B3GALT1: variants seen among roughly 807,000 people sequenced by gnomAD.
B3GALT1 encodes the protein beta-1,3-galactosyltransferase 1.
A neutral mutation model predicts 23.2 loss-of-function variants in B3GALT1; 10 were observed. The observed-to-expected ratio is 0.43, with a 90% CI of 0.27 to 0.73. B3GALT1 has a LOEUF of 0.73. Ranked by LOEUF, B3GALT1 falls within the 30% of genes least tolerant of loss-of-function variation. The pLI is 0.21. For synonymous variants in B3GALT1, 156 were observed against 141.5 expected, an observed-to-expected ratio of 1.10 and a Z score of -0.73; for missense variants, 299 against 405.4, an observed-to-expected ratio of 0.74 and a Z score of 2.25.
At chr2:167,693,927 C>T (rs1686753448) in intron 3 of B3GALT1, among the ~76,000 whole-genome samples, 1 of 152,120 alleles carries the variant, frequency 6.6e-6, no homozygotes, top group Admixed American at 6.6e-5. Flanking sequence ...CTGGTCTGAG[C>T]TGGGCAGTTC....
chr2:167,554,996 A>G (rs1683817599), intron 2 of B3GALT1, among the ~76,000 whole-genome samples: 1 of 152,180 alleles, frequency 6.6e-6, no homozygotes, highest in South Asian at 2.1e-4. Context: ...GGGTCTTCAA[A>G]CATAAAATAG....
intron 2 of B3GALT1, among the ~76,000 whole-genome samples, chr2:167,611,344 T>C (rs1685062984): frequency 6.6e-6 from 1 of 152,008 alleles, no homozygotes; most frequent in Admixed American, 6.6e-5. Flanking sequence ...CAATATAATA[T>C]TTTATACTTG....
chr2:167,826,392 A>C (rs570011079), intron 4 of B3GALT1, among the ~76,000 whole-genome samples: 1 of 152,310 alleles, frequency 6.6e-6, no homozygotes, highest in South Asian at 2.1e-4. Flanking sequence ...CTCCCCAAGC[A>C]ACTGAACCAG....
At chr2:167,754,276 A>G (rs376620625) in intron 3 of B3GALT1, among the ~76,000 whole-genome samples, 2 of 152,208 alleles carry the variant, frequency 1.3e-5, no homozygotes, top group African/African-American at 4.8e-5. Flanking sequence ...ATAAAATTGA[A>G]AAGTGAAAGT....
intron 1 of B3GALT1, among the ~76,000 whole-genome samples, chr2:167,452,269 C>G (rs1036401669): frequency 6.6e-6 from 1 of 152,198 alleles, no homozygotes; most frequent in East Asian, 1.9e-4. Context: ...GTTTCCTTCT[C>G]TCTGTGGTCT....
intron 1 of B3GALT1, among the ~76,000 whole-genome samples, chr2:167,447,872 C>G (rs1048506598): frequency 6.6e-6 from 1 of 152,128 alleles, no homozygotes; most frequent in Non-Finnish European, 1.5e-5. Flanking sequence ...CACTGTCTGA[C>G]AAGCCCCAGT....
At chr2:167,678,974 A>T (rs1025717564) in intron 3 of B3GALT1, among the ~76,000 whole-genome samples, 2 of 152,202 alleles carry the variant, frequency 1.3e-5, no homozygotes, top group African/African-American at 2.4e-5. Context: ...ATTTTTCCAA[A>T]GACTTGGAGT....
At chr2:167,843,293 T>TAAGA (rs1403768513) in intron 4 of B3GALT1, among the ~76,000 whole-genome samples, 2 of 152,172 alleles carry the variant, frequency 1.3e-5, no homozygotes, top group Non-Finnish European at 2.9e-5. Flanking sequence ...TTCAGGAAAG[T>TAAGA]AAGATGAAAG....
intron 1 of B3GALT1, among the ~76,000 whole-genome samples, chr2:167,307,407 A>G (rs1028268195): frequency 1.6e-4 from 25 of 152,086 alleles, no homozygotes; most frequent in African/African-American, 6.0e-4. Context: ...TACAACAAGA[A>G]TATGAGTGTC....
rs561571619 is a variant in B3GALT1 at position 167,445,025 on chromosome 2, C to G, written c.-510-45152C>G. Among the ~76,000 whole-genome samples, 181 of 152,308 alleles carry G rather than the reference C, an allele frequency of 1.2e-3. 3 individuals are homozygous for G. Among genetic ancestry groups the G allele is most frequent in the African/African-American group, 4.1e-3 (171 of 41,562 alleles). Reference sequence around the variant, plus strand: ...TTAGTGCTATAAATTTCCCTCTACACACTGCTTTAAATGTGTCCCAGAGAT... The same window carrying G: ...TTAGTGCTATAAATTTCCCTCTACAGACTGCTTTAAATGTGTCCCAGAGAT... On this transcript the variant is annotated intron_variant, in intron 1 of 4. Coordinates refer to ENST00000392690, the MANE Select transcript of B3GALT1 (RefSeq NM_020981.4).
intron 1 of B3GALT1, among the ~76,000 whole-genome samples, chr2:167,438,419 TGGTCAAA>T (rs1698821272): frequency 6.6e-6 from 1 of 152,206 alleles, no homozygotes; most frequent in South Asian, 2.1e-4. Flanking sequence ...AATGACTGTT[TGGTCAAA>T]GGTTGCTTTT....
At chr2:167,562,668 ATTG>A (rs1427247066) in intron 2 of B3GALT1, among the ~76,000 whole-genome samples, 1 of 139,340 alleles carries the variant, frequency 7.2e-6, no homozygotes, top group African/African-American at 3.0e-5. Context: ...TTTTTTTTTA[ATTG>A]ATCATTCTTG....
At chr2:167,299,415 A>C (rs2105478491) in intron 1 of B3GALT1, among the ~76,000 whole-genome samples, 1 of 152,322 alleles carries the variant, frequency 6.6e-6, no homozygotes, top group East Asian at 1.9e-4. Context: ...TGTCTATGCC[A>C]GTCATAGGGC....
chr2:167,364,982 G>A (rs770619463), intron 1 of B3GALT1, among the ~76,000 whole-genome samples: 2 of 152,136 alleles, frequency 1.3e-5, no homozygotes, highest in African/African-American at 4.8e-5. Flanking sequence ...GTAGGTGGAC[G>A]TTTTCTCTGT....
chr2:167,429,610 G>A (rs765072804), intron 1 of B3GALT1, among the ~76,000 whole-genome samples: 8 of 152,152 alleles, frequency 5.3e-5, no homozygotes, highest in South Asian at 2.1e-4. Context: ...ATGGCCATAT[G>A]AGTTTCTGAT....
At chr2:167,614,897 A>G (rs1225432362) in intron 2 of B3GALT1, among the ~76,000 whole-genome samples, 3 of 151,980 alleles carry the variant, frequency 2.0e-5, no homozygotes, top group Non-Finnish European at 4.4e-5. Context: ...AGGTAAGTAG[A>G]TAGATAGATA....
intron 3 of B3GALT1, among the ~76,000 whole-genome samples, chr2:167,745,447 A>C (rs1687638483): frequency 6.6e-6 from 1 of 152,152 alleles, no homozygotes; most frequent in Non-Finnish European, 1.5e-5. Flanking sequence ...CCTTCTATGA[A>C]GTATATAACT....
At chr2:167,793,302 C>T (rs1489633362) in intron 3 of B3GALT1, among the ~76,000 whole-genome samples, 1 of 152,156 alleles carries the variant, frequency 6.6e-6, no homozygotes, top group African/African-American at 2.4e-5. Flanking sequence ...CACAGCAGAT[C>T]TCAAGTCACA....
Position 167,869,143 on chromosome 2 carries a change from C to G in B3GALT1, c.104C>G (p.Ser35Cys), listed in dbSNP as rs1445278259. The change falls in exon 5 of 5, where the codon TCC becomes TGC. Residue 35 changes from serine (S) to cysteine (C), a missense_variant. This residue lies in a region of B3GALT1 where 162 missense variants were observed against 184.1 expected (regional missense o/e 0.88). Coordinates refer to ENST00000392690, the MANE Select transcript of B3GALT1 (RefSeq NM_020981.4). The surrounding 1 kb of genome is among the most constrained non-coding windows in gnomAD (Gnocchi z 6.4). ...ITRPTSSYTG[S>C]KPFSHLTVAR... The stretch of plus-strand genomic sequence containing the variant: ...CGCCCTACTTCTTCTTACACTGGCT[C>G]CAAACCATTCAGCCACCTAACAGTT... The G allele has an allele frequency of 1.9e-6, 3 of 1,614,050 alleles. No individual in the cohort carries two copies. The highest frequency in any genetic ancestry group is 2.5e-6 in the Non-Finnish European group (3 of 1,180,050).
Sources: gnomAD v4.1 joint callset for allele counts (sites outside exome capture counted in the v4.1 genomes callset) on GRCh38, gnomAD v4.1.1 for gene constraint, gnomAD v4.1.1 regional missense constraint, Gnocchi (gnomAD v3.1) non-coding constraint, MANE v1.5 for transcripts, NCBI Gene and HGNC (gene_info 2026-07-23, HGNC 2026-07-21) for gene names.